The following LCOR variants were observed in gnomAD, a reference collection of about 807,000 sequenced individuals.
The protein encoded by LCOR is ligand-dependent corepressor.
In LCOR, 14 loss-of-function variants were observed where a neutral mutation model predicts 64.4. That is an observed-to-expected ratio of 0.22 (90% CI 0.14 to 0.34). LCOR has a LOEUF of 0.34. Ranked by LOEUF, LCOR falls within the 10% of genes least tolerant of loss-of-function variation. The pLI is 1.00. For synonymous variants in LCOR, 643 were observed against 642.5 expected (o/e 1.00, Z -0.01); for missense variants, 1,686 against 1,765.3 (o/e 0.96, Z 0.80).
intron 2 of LCOR, among the ~76,000 whole-genome samples, chr10:96,852,535 A>G (rs771747137): frequency 6.6e-6 from 1 of 152,242 alleles, no homozygotes; most frequent in Non-Finnish European, 1.5e-5. Flanking sequence ...ATATCTCATT[A>G]TGTATATGCA....
At chr10:96,916,752 C>T (rs547524835) in intron 4 of LCOR, among the ~76,000 whole-genome samples, 1 of 151,776 alleles carries the variant, frequency 6.6e-6, no homozygotes. Context: ...GTAGCTGGGA[C>T]TACAGGCGCA....
In LCOR at chr10:96,859,702, C is replaced by T. The variant is rs558503581; in HGVS notation, c.-330+26223C>T. The stretch of plus-strand genomic sequence containing the variant: ...CCTCTTGAGTAGCTGGCACCACAGG[C>T]GTGTGCTACCAAACCTGGCTAATTT... On this transcript the variant is annotated intron_variant, in intron 2 of 7. Transcript: ENST00000421806. Among the ~76,000 whole-genome samples, 383 of 152,178 alleles carry T rather than the reference C, an allele frequency of 2.5e-3. 1 individual carries two copies. Among genetic ancestry groups the T allele is most frequent in the Non-Finnish European group, 4.2e-3 (287 of 68,014 alleles).
chr10:96,912,391 CAAT>C (rs372599000), intron 4 of LCOR, among the ~76,000 whole-genome samples: 69 of 152,304 alleles, frequency 4.5e-4, no homozygotes, highest in African/African-American at 1.6e-3. Flanking sequence ...AGGAAATTAA[CAAT>C]GATACAATAG....
intron 7 of LCOR, among the ~76,000 whole-genome samples, chr10:96,966,499 A>T (rs1293582571): frequency 6.6e-6 from 1 of 152,134 alleles, no homozygotes; most frequent in Non-Finnish European, 1.5e-5. Context: ...AAGTGCTAGG[A>T]TTACAGGCGT....
intron 4 of LCOR, among the ~76,000 whole-genome samples, chr10:96,911,093 CTTTTTTTTTTTTT>C (rs71007308): frequency 6.1e-4 from 70 of 114,156 alleles, no homozygotes; most frequent in African/African-American, 2.5e-3. Flanking sequence ...TACATGTTCC[CTTTTTTTTTTTTT>C]TTTTTTTTTG....
intron 4 of LCOR, among the ~76,000 whole-genome samples, chr10:96,916,618 A>ATATATAT (rs1846954500): frequency 2.3e-5 from 3 of 130,186 alleles, no homozygotes; most frequent in African/African-American, 1.0e-4. Context: ...TATATATATG[A>ATATATAT]TTATTTATTT....
intron 2 of LCOR, among the ~76,000 whole-genome samples, chr10:96,849,580 A>G (rs187362734): frequency 2.0e-5 from 3 of 152,318 alleles, no homozygotes; most frequent in Admixed American, 2.0e-4. Flanking sequence ...TTGAACACCG[A>G]AGTAACACCA....
chr10:96,856,703 C>A (rs1845810508), intron 2 of LCOR, among the ~76,000 whole-genome samples: 1 of 151,702 alleles, frequency 6.6e-6, no homozygotes, highest in African/African-American at 2.4e-5. Flanking sequence ...TCTCTAACTC[C>A]TGAGCTCAGG....
chr10:96,888,545 T>A (rs1054970289), intron 2 of LCOR, among the ~76,000 whole-genome samples: 1 of 152,052 alleles, frequency 6.6e-6, no homozygotes, highest in Non-Finnish European at 1.5e-5. Context: ...TGGTGTTACA[T>A]TGTGTGATGG....
At position 96,993,004 on chromosome 10, in the gene LCOR, A is replaced by G. The variant is rs1261038119; in HGVS notation, c.*7870A>G. ...TCCCCCTGTAACCAGTGGTTACAGAATGATACCATCTGTTCTAAGATGTGG... is the reference window on the plus strand; with the variant it reads ...TCCCCCTGTAACCAGTGGTTACAGAGTGATACCATCTGTTCTAAGATGTGG... On this transcript the variant is annotated 3_prime_UTR_variant, in exon 8 of 8. Transcript: ENST00000421806. The G allele has an allele frequency of 6.6e-6, 1 of 152,232 alleles. No homozygotes were observed. The highest frequency in any genetic ancestry group is 1.5e-5 in the Non-Finnish European group (1 of 68,066). 9.4% of individuals were successfully genotyped at this position (152,232 alleles called of 1,614,324 possible). A position where few individuals can be genotyped will look rare whatever the true frequency, so the allele number is the denominator to read the frequency against.
At chr10:96,864,946 C>G (rs1249898429) in intron 2 of LCOR, among the ~76,000 whole-genome samples, 1 of 152,094 alleles carries the variant, frequency 6.6e-6, no homozygotes, top group African/African-American at 2.4e-5. Flanking sequence ...CAGCTCAAGA[C>G]TATAATTGTG....
At chr10:96,913,825 C>T (rs1846888974) in intron 4 of LCOR, among the ~76,000 whole-genome samples, 1 of 150,870 alleles carries the variant, frequency 6.6e-6, no homozygotes, top group Non-Finnish European at 1.5e-5. Context: ...TTGAGAGGCA[C>T]GAGAATCGTT....
intron 7 of LCOR, chr10:96,957,898 G>GA (rs1049992157): frequency 5.1e-6 from 5 of 986,056 alleles, no homozygotes; most frequent in Non-Finnish European, 4.8e-6. Flanking sequence ...CTTCTTAACA[G>GA]AAAAAACAGT....
At chr10:96,930,687 G>C (rs1037419731) in intron 4 of LCOR, among the ~76,000 whole-genome samples, 4 of 152,190 alleles carry the variant, frequency 2.6e-5, no homozygotes, top group African/African-American at 9.7e-5. Flanking sequence ...CCAAAATTCA[G>C]GTGTTGCCAA....
intron 2 of LCOR, among the ~76,000 whole-genome samples, chr10:96,890,758 T>G (rs1162340546): frequency 6.6e-6 from 1 of 152,224 alleles, no homozygotes; most frequent in Non-Finnish European, 1.5e-5. Flanking sequence ...CATGAAAAGG[T>G]GTTGGACTTT....
intron 4 of LCOR, among the ~76,000 whole-genome samples, chr10:96,939,854 T>C (rs1490333134): frequency 6.6e-6 from 1 of 152,178 alleles, no homozygotes; most frequent in Non-Finnish European, 1.5e-5. Context: ...TCTCAGCTAC[T>C]CTGGAGGCTG....
chr10:96,952,907 A>G (rs1007452386), intron 7 of LCOR, among the ~76,000 whole-genome samples: 1 of 152,182 alleles, frequency 6.6e-6, no homozygotes, highest in Admixed American at 6.5e-5. Context: ...CAAAAAATCA[A>G]CTTTAGATAT....
intron 7 of LCOR, among the ~76,000 whole-genome samples, chr10:96,980,346 T>C (rs1272186210): frequency 6.6e-6 from 1 of 152,164 alleles, no homozygotes; most frequent in Non-Finnish European, 1.5e-5. Flanking sequence ...ATTTTAGCTT[T>C]TTTGAAAAAA....
intron 2 of LCOR, among the ~76,000 whole-genome samples, chr10:96,875,787 A>C (rs980631473): frequency 6.6e-6 from 1 of 151,978 alleles, no homozygotes. Flanking sequence ...GCTTGAGCAC[A>C]GGAGGTTCAT....
Sources: allele counts gnomAD v4.1 joint callset (sites outside exome capture counted in the v4.1 genomes callset), GRCh38; gene constraint gnomAD v4.1.1; transcripts MANE v1.5; gene names NCBI Gene and HGNC (gene_info 2026-07-23, HGNC 2026-07-21).